RPS15: variants seen among roughly 807,000 people sequenced by gnomAD.
The protein encoded by RPS15 is small ribosomal subunit protein uS19.
In RPS15, 5 loss-of-function variants were observed where a neutral mutation model predicts 14.9. That is an observed-to-expected ratio of 0.34 (90% CI 0.18 to 0.70). RPS15 has a LOEUF of 0.70. RPS15 is among the 30% of genes least tolerant of loss of function. RPS15 has a pLI of 0.65. For missense variants in RPS15, 102 were observed against 204.2 expected (o/e 0.50, Z 3.05); for synonymous variants, 103 against 85.0 (o/e 1.21, Z -1.16).
Position 1,438,433 on chromosome 19 carries a change from G to GTGT in RPS15, c.3+8_3+10dup. ...TTCTGAGGATCCGGCAAGATGGTGA[G>GTGT]TGTTGCGATTTGGCGCGTCTCTGCC... On this transcript the variant is annotated splice_donor_region_variant and intron_variant, in intron 1 of 3. Coordinates refer to ENST00000592588, the MANE Select transcript of RPS15 (RefSeq NM_001018.5). The surrounding 1 kb of genome is among the most constrained non-coding windows in gnomAD (Gnocchi z 4.8). The GTGT allele has an allele frequency of 6.2e-7, 1 of 1,613,482 alleles. No individual in the cohort carries two copies. Among genetic ancestry groups the GTGT allele is most frequent in the Non-Finnish European group, 8.5e-7 (1 of 1,179,902 alleles).
Position 1,438,901 on chromosome 19 carries a change from G to T in RPS15, c.89+9G>T. Reference sequence around the variant, plus strand: ...CTGCTGGACATGTCCTAGTAAGGGCGGCCGCGGGGGTCGCGGGCAGGGGCT... The same window carrying T: ...CTGCTGGACATGTCCTAGTAAGGGCTGCCGCGGGGGTCGCGGGCAGGGGCT... On this transcript the variant is annotated intron_variant, in intron 2 of 3. Transcript: ENST00000592588. This position sits in a 1 kb window ranked among gnomAD's most constrained non-coding sequence, Gnocchi z 4.8. 1 of 1,563,684 alleles carries T rather than the reference G, an allele frequency of 6.4e-7. No individual in the cohort carries two copies.
rs377297587 is a variant in RPS15 at position 1,440,340 on chromosome 19, C to A, written c.325-9C>A. On this transcript the variant is annotated splice_polypyrimidine_tract_variant and intron_variant, in intron 3 of 3. Transcript: ENST00000592588. Reference sequence around the variant, plus strand: ...GCTGACACCCAGCTTTGCTCTTGGTCTCCCGCAGCCCGAGATGATCGGCCA... The same window carrying A: ...GCTGACACCCAGCTTTGCTCTTGGTATCCCGCAGCCCGAGATGATCGGCCA... The A allele has an allele frequency of 7.0e-5, 113 of 1,613,434 alleles. 1 individual carries two copies. Among genetic ancestry groups the A allele is most frequent in the Non-Finnish European group, 9.0e-5 (106 of 1,179,590 alleles).
chr19:1,439,747 C>G (rs1180294392), intron 2 of RPS15: 1 of 608,194 alleles, frequency 1.6e-6, no homozygotes, highest in Non-Finnish European at 2.9e-6. Context: ...CGCTGCAGCA[C>G]CTTGTCTGAG....
rs1166481878 is a variant in RPS15, at chr19:1,440,003, G to C, written c.90-16G>C. The stretch of plus-strand genomic sequence containing the variant: ...GGCCGGGCCGCTCACAAAACTGCCT[G>C]GTGCATCCTCCCCAGCGAGCAGCTG... On this transcript the variant is annotated splice_polypyrimidine_tract_variant and intron_variant, in intron 2 of 3. Coordinates refer to ENST00000592588, the MANE Select transcript of RPS15 (RefSeq NM_001018.5). 1 of 1,543,188 alleles carries C rather than the reference G, an allele frequency of 6.5e-7. No individual in the cohort carries two copies. The highest frequency in any genetic ancestry group is 1.4e-5 in the African/African-American group (1 of 73,020).
chr19:1,439,590 T>A (rs2083636630), intron 2 of RPS15: 1 of 398,782 alleles, frequency 2.5e-6, no homozygotes, highest in African/African-American at 2.0e-5. Context: ...AAACAGCGTT[T>A]CTCTGTGTCG....
At position 1,440,272 on chromosome 19, in the gene RPS15, G is replaced by A; in HGVS notation, c.324+19G>A. On this transcript the variant is annotated intron_variant, in intron 3 of 3. Coordinates refer to ENST00000592588, the MANE Select transcript of RPS15 (RefSeq NM_001018.5). ...GATCAAGGTGTGTGCGGCCGTCCCT[G>A]CCGGCTGGGGTGGGCTGGGGTCGCC... is the stretch of plus-strand genomic sequence containing the variant. 6.2e-7 allele frequency: 1 copy of A among 1,611,930 alleles called. No homozygotes were observed. The highest frequency in any genetic ancestry group is 1.1e-5 in the South Asian group (1 of 90,898).
chr19:1,439,127 G>T (rs900658561), intron 2 of RPS15: 3 of 530,168 alleles, frequency 5.7e-6, no homozygotes, highest in Admixed American at 7.6e-5. Context: ...TAGTTGGAAG[G>T]TGTAGCCCCT....
In RPS15 at chr19:1,438,794, C is replaced by G; in HGVS notation, c.4-13C>G. The G allele has an allele frequency of 6.3e-7, 1 of 1,584,464 alleles. No homozygotes were observed. Among genetic ancestry groups the G allele is most frequent in the South Asian group, 1.1e-5 (1 of 87,486 alleles). On this transcript the variant is annotated splice_polypyrimidine_tract_variant and intron_variant, in intron 1 of 3. Transcript: ENST00000592588. This position sits in a 1 kb window ranked among gnomAD's most constrained non-coding sequence, Gnocchi z 4.8. ...GTCGGGATCCCGCTGACGCCCGATC[C>G]GCGCCCGCACAGGCAGAAGTAGAGC... is the stretch of plus-strand genomic sequence containing the variant.
chr19:1,439,104 C>T (rs990475708), intron 2 of RPS15: 17 of 549,126 alleles, frequency 3.1e-5, no homozygotes, highest in Non-Finnish European at 5.4e-5. Context: ...CCGTTGTTCA[C>T]TTTTCCGCGG....
Position 1,440,006 on chromosome 19 carries a change from GCATCCT to G in RPS15, c.90-11_90-6del. 1 of 1,544,506 alleles carries G rather than the reference GCATCCT, an allele frequency of 6.5e-7. No individual in the cohort carries two copies. The highest frequency in any genetic ancestry group is 2.4e-5 in the East Asian group (1 of 40,980). Reference sequence around the variant, plus strand: ...CGGGCCGCTCACAAAACTGCCTGGTGCATCCTCCCCAGCGAGCAGCTGATGCAGCTG... The same window carrying G: ...CGGGCCGCTCACAAAACTGCCTGGTGCCCCAGCGAGCAGCTGATGCAGCTG... On this transcript the variant is annotated splice_polypyrimidine_tract_variant and splice_region_variant and intron_variant, in intron 2 of 3. Transcript: ENST00000592588.
chr19:1,439,933 C>A, intron 2 of RPS15, 86 bp from the exon 3 acceptor site: 1 of 1,145,492 alleles, frequency 8.7e-7, no homozygotes, highest in South Asian at 1.3e-5. Context: ...CTGGAGAGAA[C>A]CAAGCCTTAG....
Position 1,440,456 on chromosome 19 carries a change from C to G in RPS15, c.432C>G (p.Leu144=), listed in dbSNP as rs200097056. ...GATHSSRFIP[L]K ...CCCACTCCTCCCGCTTCATCCCTCT[C>G]AAGTAATGGCTCAGCTAATAAAGGC... is the stretch of plus-strand genomic sequence containing the variant. The change falls in exon 4 of 4, where the codon CTC becomes CTG. Residue 144 remains leucine (L), a synonymous_variant. Transcript: ENST00000592588. 6.2e-6 allele frequency: 10 copies of G among 1,609,858 alleles called. No individual in the cohort carries two copies. Among genetic ancestry groups the G allele is most frequent in the African/African-American group, 2.7e-5 (2 of 74,818 alleles).
rs1280776703 is a variant in RPS15, at chr19:1,438,803, A to G, written c.4-4A>G. ...CCGCTGACGCCCGATCCGCGCCCGC[A>G]CAGGCAGAAGTAGAGCAGAAGAAGA... On this transcript the variant is annotated splice_polypyrimidine_tract_variant and splice_region_variant and intron_variant, in intron 1 of 3. Coordinates refer to ENST00000592588, the MANE Select transcript of RPS15 (RefSeq NM_001018.5). This position sits in a 1 kb window ranked among gnomAD's most constrained non-coding sequence, Gnocchi z 4.8. 6.3e-7 allele frequency: 1 copy of G among 1,589,938 alleles called. No homozygotes were observed. The highest frequency in any genetic ancestry group is 8.6e-7 in the Non-Finnish European group (1 of 1,168,964).
Position 1,438,452 on chromosome 19 carries a change from C to G in RPS15, c.3+24C>G, listed in dbSNP as rs757412102. ...TGGTGAGTGTTGCGATTTGGCGCGT[C>G]TCTGCCGGGCCTATCCGGCTCCATC... On this transcript the variant is annotated intron_variant, in intron 1 of 3. Coordinates refer to ENST00000592588, the MANE Select transcript of RPS15 (RefSeq NM_001018.5). This position sits in a 1 kb window ranked among gnomAD's most constrained non-coding sequence, Gnocchi z 4.8. 27 of 1,613,234 alleles carry G rather than the reference C, an allele frequency of 1.7e-5. No homozygotes were observed. Among genetic ancestry groups the G allele is most frequent in the Non-Finnish European group, 2.0e-5 (24 of 1,179,896 alleles).
At chr19:1,439,805 C>A (rs1226780202) in intron 2 of RPS15, 4 of 628,520 alleles carry the variant, frequency 6.4e-6, no homozygotes, top group Non-Finnish European at 2.9e-6. Flanking sequence ...TGCAGTCACA[C>A]GGTGGCTCTT....
At chr19:1,439,792 C>T (rs2083638640) in intron 2 of RPS15, 4 of 617,934 alleles carry the variant, frequency 6.5e-6, no homozygotes, top group Admixed American at 2.5e-5. Context: ...CTCTCTGAAT[C>T]TCTGCAGTCA....
At chr19:1,439,952 C>A in intron 2 of RPS15, 67 bp from the exon 3 acceptor site, 3 of 1,293,292 alleles carry the variant, frequency 2.3e-6, no homozygotes, top group Non-Finnish European at 3.2e-6. Context: ...AGTTCTCTGT[C>A]CGCCGGAGTG....
In RPS15 at chr19:1,438,673, C is replaced by G. The variant is rs555270729; in HGVS notation, c.4-134C>G. 1 of 1,529,398 alleles carries G rather than the reference C, an allele frequency of 6.5e-7. No individual in the cohort carries two copies. Among genetic ancestry groups the G allele is most frequent in the East Asian group, 2.5e-5 (1 of 40,646 alleles). The allele number at this position is 1,529,398 out of a possible 1,614,324, so 94.7% of individuals were successfully genotyped here. On this transcript the variant is annotated intron_variant, in intron 1 of 3. Transcript: ENST00000592588. The surrounding 1 kb of genome is among the most constrained non-coding windows in gnomAD (Gnocchi z 4.8). The stretch of plus-strand genomic sequence containing the variant: ...CGGAGCCGCGAGTGATCCCCGGGGA[C>G]GGGTCGAAGCGGTGTGTCCCTGTCG...
chr19:1,438,604 C>G lies in RPS15; in HGVS notation c.3+176C>G. 1 of 1,539,456 alleles carries G rather than the reference C, an allele frequency of 6.5e-7. No individual in the cohort carries two copies. ...TGGTGGGTGTCGGGACGACGCGGGG[C>G]TGGGAAGGCCTGTCCGGGCCTTCAT... On this transcript the variant is annotated intron_variant, in intron 1 of 3. Coordinates refer to ENST00000592588, the MANE Select transcript of RPS15 (RefSeq NM_001018.5). This position sits in a 1 kb window ranked among gnomAD's most constrained non-coding sequence, Gnocchi z 4.8.
Sources: gnomAD v4.1 joint callset for allele counts on GRCh38, gnomAD v4.1.1 for gene constraint, Gnocchi (gnomAD v3.1) non-coding constraint, MANE v1.5 for transcripts, NCBI Gene and HGNC (gene_info 2026-07-23, HGNC 2026-07-21) for gene names.